The following PAPPA2 variants were observed in gnomAD, a reference collection of about 807,000 sequenced individuals.
PAPPA2 encodes pappalysin 2.
PAPPA2 carries 86 observed loss-of-function variants against 176.4 expected under a neutral mutation model. That is an observed-to-expected ratio of 0.49 (90% CI 0.41 to 0.58). The LOEUF (loss-of-function observed/expected upper bound fraction) is 0.58, where lower values mean the gene tolerates loss of function less well. PAPPA2 is among the 20% of genes least tolerant of loss of function. PAPPA2 has a pLI of 0.00. For synonymous variants in PAPPA2, 809 were observed against 852.2 expected (o/e 0.95, Z 0.88); for missense variants, 2,073 against 2,256.9 (o/e 0.92, Z 1.65).
At chr1:176,791,006 T>C (rs1665150279) in intron 18 of PAPPA2, among the ~76,000 whole-genome samples, 1 of 152,150 alleles carries the variant, frequency 6.6e-6, no homozygotes, top group Admixed American at 6.5e-5. Flanking sequence ...GATGAATCAG[T>C]GTAAAACAAC....
chr1:176,707,782 A>G (rs1043354806), intron 10 of PAPPA2, among the ~76,000 whole-genome samples: 5 of 152,154 alleles, frequency 3.3e-5, no homozygotes, highest in African/African-American at 1.2e-4. Flanking sequence ...TTTCCCTGCT[A>G]TGAAACTACA....
At chr1:176,574,511 T>C (rs2102618396) in intron 2 of PAPPA2, among the ~76,000 whole-genome samples, 1 of 152,278 alleles carries the variant, frequency 6.6e-6, no homozygotes, top group Admixed American at 6.5e-5. Context: ...AAAAAAATTT[T>C]CAATTGACTG....
At chr1:176,691,579 G>A (rs892933495) in intron 5 of PAPPA2, among the ~76,000 whole-genome samples, 3 of 152,290 alleles carry the variant, frequency 2.0e-5, no homozygotes, top group Non-Finnish European at 4.4e-5. Context: ...AAAGTTCCTG[G>A]CACTAAGAAA....
rs192033168 is a variant in PAPPA2, at chr1:176,651,828, A to G, written c.1992-19142A>G. ...TCTTGTAGGCAATCTTCATTTCTTC[A>G]TTCTTTTTTCTTTTTTCTCTTCTGG... On this transcript the variant is annotated intron_variant, in intron 3 of 22. Transcript: ENST00000367662. Among the ~76,000 whole-genome samples the G allele has an allele frequency of 5.1e-3, 764 of 150,960 alleles. 4 individuals carry two copies. Among genetic ancestry groups the G allele is most frequent in the Non-Finnish European group, 8.6e-3 (578 of 67,546 alleles).
chr1:176,633,693 C>T lies in PAPPA2; in HGVS notation c.1992-37277C>T, dbSNP rs181599013. 1.1e-3 allele frequency among the ~76,000 whole-genome samples: 169 copies of T among 152,216 alleles called. 3 individuals carry two copies. In the East Asian group the frequency reaches 0.026, roughly 23 times the overall value. Reference sequence around the variant, plus strand: ...AATGGGAGAAAATTTTTGCAATCTACTCATCTGACAAAGGGCTAATATCCA... The same window carrying T: ...AATGGGAGAAAATTTTTGCAATCTATTCATCTGACAAAGGGCTAATATCCA... On this transcript the variant is annotated intron_variant, in intron 3 of 22. Transcript: ENST00000367662.
Position 176,687,493 on chromosome 1 carries a change from A to G in PAPPA2, c.2138-2644A>G, listed in dbSNP as rs192782514. On this transcript the variant is annotated intron_variant, in intron 4 of 22. Coordinates refer to ENST00000367662, the MANE Select transcript of PAPPA2 (RefSeq NM_020318.3). ...CTTCTGCTGGTTGATGAGAAGCCCA[A>G]TATTATGATGACCACCCCCATATTC... Among the ~76,000 whole-genome samples, 645 of 152,304 alleles carry G rather than the reference A, an allele frequency of 4.2e-3. 6 individuals carry two copies. The highest frequency in any genetic ancestry group is 4.8e-3 in the Non-Finnish European group (329 of 68,020).
At position 176,583,999 on chromosome 1, in the gene PAPPA2, G is replaced by T. The variant is rs149738081; in HGVS notation, c.920-10525G>T. Among the ~76,000 whole-genome samples, 96 of 152,328 alleles carry T rather than the reference G, an allele frequency of 6.3e-4. No individual in the cohort carries two copies. In the East Asian group the frequency reaches 0.012, roughly 19 times the overall value. ...GCACCCAGGGAGTTGAGGCTGTACT[G>T]CCACTGAACTCCAGCCTGAGAGACA... On this transcript the variant is annotated intron_variant, in intron 2 of 22. Coordinates refer to ENST00000367662, the MANE Select transcript of PAPPA2 (RefSeq NM_020318.3).
At position 176,690,437 on chromosome 1, in the gene PAPPA2, C is replaced by T. The variant is rs370506732; in HGVS notation, c.2431+7C>T. ...AACTACATGAGCTACACGGGTATCACCACTGTCTTGTTTTGTTTTCTGTTA... is the reference window on the plus strand; with the variant it reads ...AACTACATGAGCTACACGGGTATCATCACTGTCTTGTTTTGTTTTCTGTTA... On this transcript the variant is annotated splice_region_variant and intron_variant, in intron 5 of 22. Coordinates refer to ENST00000367662, the MANE Select transcript of PAPPA2 (RefSeq NM_020318.3). 18 of 1,611,412 alleles carry T rather than the reference C, an allele frequency of 1.1e-5. No individual in the cohort carries two copies. In the South Asian group the frequency reaches 1.6e-4, roughly 15 times the overall value.
chr1:176,684,281 T>C (rs1659728103), intron 4 of PAPPA2, among the ~76,000 whole-genome samples: 1 of 152,148 alleles, frequency 6.6e-6, no homozygotes, highest in Admixed American at 6.5e-5. Flanking sequence ...ATTTTTTCCA[T>C]CCTTTTACAC....
chr1:176,631,663 C>A (rs1656346205), intron 3 of PAPPA2, among the ~76,000 whole-genome samples: 1 of 152,044 alleles, frequency 6.6e-6, no homozygotes, highest in South Asian at 2.1e-4. Context: ...CATTGGCAAA[C>A]TTCATCAGAA....
At chr1:176,739,927 A>C in intron 13 of PAPPA2, 53 bp from the exon 14 acceptor site, 2 of 1,597,750 alleles carry the variant, frequency 1.3e-6, no homozygotes, top group Non-Finnish European at 1.7e-6. Context: ...CAAGATATGG[A>C]AACATGGTAC....
At chr1:176,497,637 G>A (rs552588006) in intron 1 of PAPPA2, among the ~76,000 whole-genome samples, 1 of 152,264 alleles carries the variant, frequency 6.6e-6, no homozygotes, top group East Asian at 1.9e-4. Flanking sequence ...TTTTGGAAAA[G>A]TATGGTCTTG....
intron 3 of PAPPA2, among the ~76,000 whole-genome samples, chr1:176,654,715 G>A (rs1657930921): frequency 6.6e-6 from 1 of 151,630 alleles, no homozygotes; most frequent in Admixed American, 6.6e-5. Context: ...AGCATGGGAT[G>A]TTTTTCCATT....
chr1:176,754,974 ACAT>A (rs1663348810), intron 14 of PAPPA2, among the ~76,000 whole-genome samples: 1 of 152,170 alleles, frequency 6.6e-6, no homozygotes, highest in Non-Finnish European at 1.5e-5. Context: ...ACTTTTGTCT[ACAT>A]CATTTAGTCT....
At chr1:176,769,507 A>G (rs1664122688) in intron 15 of PAPPA2, 100 bp from the exon 16 acceptor site, 3 of 1,272,722 alleles carry the variant, frequency 2.4e-6, no homozygotes, top group Non-Finnish European at 3.3e-6. Context: ...CCCGTTTTAA[A>G]TGTTTAGACA....
At chr1:176,709,169 T>A (rs1031927287) in intron 10 of PAPPA2, among the ~76,000 whole-genome samples, 1 of 152,186 alleles carries the variant, frequency 6.6e-6, no homozygotes, top group Non-Finnish European at 1.5e-5. Flanking sequence ...GTATATTTTC[T>A]TAGATATTCA....
At chr1:176,508,978 C>T (rs1229289361) in intron 1 of PAPPA2, among the ~76,000 whole-genome samples, 4 of 151,864 alleles carry the variant, frequency 2.6e-5, no homozygotes, top group Non-Finnish European at 4.4e-5. Context: ...AGTGTGAAAA[C>T]GGACTAATAC....
At chr1:176,498,804 T>C (rs949285858) in intron 1 of PAPPA2, among the ~76,000 whole-genome samples, 2 of 150,194 alleles carry the variant, frequency 1.3e-5, no homozygotes, top group Admixed American at 1.3e-4. Context: ...CTGGCTTCCA[T>C]GCTTTCTGGA....
rs774685239 is a variant in PAPPA2, at chr1:176,699,341, G to C, written c.2988G>C (p.Leu996=). 3 of 1,614,022 alleles carry C rather than the reference G, an allele frequency of 1.9e-6. No individual in the cohort carries two copies. The highest frequency in any genetic ancestry group is 2.2e-5 in the South Asian group (2 of 91,072). ...TGGAAAACAAGGAGTCAGTGCACCT[G>C]GGCCCCTTAGACACTTTCTGTGACA... The part of the protein sequence containing the change: ...ILLENKESVH[L]GPLDTFCDIP... Residue 996 remains leucine, a synonymous_variant, in exon 8 of 23, where the codon CTG becomes CTC. Coordinates refer to ENST00000367662, the MANE Select transcript of PAPPA2 (RefSeq NM_020318.3).
Sources: gnomAD v4.1 joint callset for allele counts (sites outside exome capture counted in the v4.1 genomes callset) on GRCh38, gnomAD v4.1.1 for gene constraint, MANE v1.5 for transcripts, NCBI Gene and HGNC (gene_info 2026-07-23, HGNC 2026-07-21) for gene names.